Variants in PDK1 observed in about 807,000 individuals in gnomAD.
PDK1 encodes pyruvate dehydrogenase kinase 1, also known as [Pyruvate dehydrogenase (acetyl-transferring)] kinase isozyme 1, mitochondrial.
A neutral mutation model predicts 54.2 loss-of-function variants in PDK1; 39 were observed. That is an observed-to-expected ratio of 0.72 (90% CI 0.56 to 0.94). The LOEUF (loss-of-function observed/expected upper bound fraction) is 0.94. PDK1 is among the 40% of genes least tolerant of loss of function. PDK1 has a pLI of 0.00. For synonymous variants in PDK1, 221 were observed against 207.1 expected (o/e 1.07, Z -0.58); for missense variants, 552 against 566.0 (o/e 0.98, Z 0.25).
At chr2:172,555,970 T>C (rs1574451288), upstream of PDK1, 3 of 418,834 alleles carry the variant, frequency 7.2e-6, no homozygotes, top group South Asian at 2.3e-4. Flanking sequence ...TCTCCCCGCC[T>C]CCTTCCCGCT....
chr2:172,588,111 T>C (rs527396215), intron 9 of PDK1, among the ~76,000 whole-genome samples: 1 of 152,362 alleles, frequency 6.6e-6, no homozygotes, highest in African/African-American at 2.4e-5. Flanking sequence ...GCTCTAGTAA[T>C]GTCCTTCTCC....
At chr2:172,678,164 C>T in the PDK1 span, among the ~76,000 whole-genome samples, 2 of 151,668 alleles carry the variant, frequency 1.3e-5, no homozygotes, top group African/African-American at 2.4e-5. Flanking sequence ...AGGGAGACTC[C>T]GTCTCAAAAA....
the PDK1 span, among the ~76,000 whole-genome samples, chr2:172,711,755 A>G: frequency 6.6e-6 from 1 of 150,896 alleles, no homozygotes; most frequent in East Asian, 2.0e-4. Flanking sequence ...CGTCCCAGCT[A>G]CTCGGGAGGA....
At chr2:172,575,594 G>A (rs1020797863) in intron 8 of PDK1, among the ~76,000 whole-genome samples, 10 of 152,166 alleles carry the variant, frequency 6.6e-5, no homozygotes, top group Admixed American at 6.5e-4. Context: ...AGCCAAGGCA[G>A]GTGGATCACC....
chr2:172,587,047 G>T (rs1690268600), intron 9 of PDK1, among the ~76,000 whole-genome samples: 1 of 152,120 alleles, frequency 6.6e-6, no homozygotes, highest in African/African-American at 2.4e-5. Context: ...ATTTCCAGTA[G>T]AGTTATGCTG....
the PDK1 span, among the ~76,000 whole-genome samples, chr2:172,702,858 C>T: frequency 2.6e-5 from 4 of 152,158 alleles, no homozygotes. Context: ...ATTCTCTTGG[C>T]AATACCTTTT....
intron 5 of PDK1, among the ~76,000 whole-genome samples, chr2:172,566,172 T>G (rs1265664068): frequency 6.6e-6 from 1 of 152,230 alleles, no homozygotes; most frequent in Non-Finnish European, 1.5e-5. Flanking sequence ...ATTGTTGGTG[T>G]CTTTTTAGCA....
chr2:172,629,759 G>A, the PDK1 span, among the ~76,000 whole-genome samples: 1 of 152,158 alleles, frequency 6.6e-6, no homozygotes, highest in Non-Finnish European at 1.5e-5. Context: ...GGAGTCACAG[G>A]CAACCCCTAG....
chr2:172,660,506 C>T, the PDK1 span, among the ~76,000 whole-genome samples: 1,090 of 152,018 alleles, frequency 7.2e-3, 19 homozygotes, highest in African/African-American at 0.025. Context: ...ATCCACCTGC[C>T]TCAGCCTCCC....
chr2:172,571,452 C>T (rs1689252678), intron 8 of PDK1, among the ~76,000 whole-genome samples: 1 of 152,210 alleles, frequency 6.6e-6, no homozygotes. Context: ...TGACCTTGAA[C>T]TCCTGGGCTC....
chr2:172,555,862 G>T (rs1463630215), upstream of PDK1: 4 of 293,868 alleles, frequency 1.4e-5, no homozygotes, highest in African/African-American at 2.2e-5. Context: ...GGATCTGGGC[G>T]GCGGCTGCGG....
At chr2:172,686,369 G>T in the PDK1 span, among the ~76,000 whole-genome samples, 1 of 152,030 alleles carries the variant, frequency 6.6e-6, no homozygotes, top group East Asian at 1.9e-4. Context: ...TCGGCGCTTT[G>T]TAACTAGCTA....
At chr2:172,635,027 A>T in the PDK1 span, among the ~76,000 whole-genome samples, 1 of 152,128 alleles carries the variant, frequency 6.6e-6, no homozygotes, top group Non-Finnish European at 1.5e-5. Context: ...TAAAATGTAG[A>T]CTTGCATAAC....
intron 1 of PDK1, among the ~76,000 whole-genome samples, chr2:172,557,658 A>ATTT (rs1329487153): frequency 6.4e-5 from 9 of 141,256 alleles, no homozygotes; most frequent in Non-Finnish European, 1.1e-4. Flanking sequence ...TTTTTTTTTA[A>ATTT]AAATAGAAAT....
At chr2:172,582,791 T>C (rs897508669) in intron 8 of PDK1, among the ~76,000 whole-genome samples, 1 of 152,228 alleles carries the variant, frequency 6.6e-6, no homozygotes, top group Non-Finnish European at 1.5e-5. Context: ...GTTTATTGTA[T>C]TGTTGGCTGC....
the PDK1 span, among the ~76,000 whole-genome samples, chr2:172,634,334 G>A: frequency 6.5e-5 from 9 of 137,880 alleles, no homozygotes; most frequent in South Asian, 4.7e-4. Flanking sequence ...GTGCAATGGC[G>A]CAATCTCAGC....
At chr2:172,609,382 G>T (rs547499586), downstream of PDK1, among the ~76,000 whole-genome samples, 5 of 152,304 alleles carry the variant, frequency 3.3e-5, no homozygotes, top group South Asian at 8.3e-4. Flanking sequence ...TTCCTGTTAA[G>T]TATCATATTA....
Position 172,572,171 on chromosome 2 carries a change from T to C in PDK1, c.945+1347T>C, listed in dbSNP as rs191664975. On this transcript the variant is annotated intron_variant, in intron 8 of 10. Coordinates refer to ENST00000282077, the MANE Select transcript of PDK1 (RefSeq NM_002610.5). ...AACAGTAAATATTACCTTTCTGTTA[T>C]AGTAGTTGAGGAGTTAGCTCTCTTT... Among the ~76,000 whole-genome samples, 22 of 152,296 alleles carry C rather than the reference T, an allele frequency of 1.4e-4. No homozygotes were observed. The East Asian group carries it at 2.9e-3, about 20-fold the overall frequency.
the PDK1 span, among the ~76,000 whole-genome samples, chr2:172,703,144 T>C: frequency 6.6e-6 from 1 of 151,950 alleles, no homozygotes; most frequent in East Asian, 1.9e-4. Flanking sequence ...GAGAAGGCAA[T>C]ATGAAGACAG....
Sources: allele counts gnomAD v4.1 joint callset (sites outside exome capture counted in the v4.1 genomes callset), GRCh38; gene constraint gnomAD v4.1.1; transcripts MANE v1.5; gene names NCBI Gene and HGNC (gene_info 2026-07-23, HGNC 2026-07-21).